Variants in TAFA2 observed in about 807,000 individuals in gnomAD.
TAFA2 encodes chemokine-like protein TAFA-2.
Under a neutral mutation model 18.8 loss-of-function variants are expected in TAFA2, and 7 were observed. The ratio of observed to expected loss-of-function variants is 0.37; its 90% CI spans 0.21 to 0.70. The LOEUF (loss-of-function observed/expected upper bound fraction) is 0.70. TAFA2 is among the 30% of genes least tolerant of loss of function. The probability of loss-of-function intolerance (pLI) is 0.53; values close to 1 mark genes in which losing one functional copy is unlikely to be tolerated. For missense variants in TAFA2, 122 were observed against 158.1 expected, an observed-to-expected ratio of 0.77 and a Z score of 1.23; for synonymous variants, 60 against 54.2, an observed-to-expected ratio of 1.11 and a Z score of -0.47.
intron 1 of TAFA2, among the ~76,000 whole-genome samples, chr12:62,213,070 A>T (rs1419731922): frequency 6.6e-6 from 1 of 152,160 alleles, no homozygotes; most frequent in Non-Finnish European, 1.5e-5. Flanking sequence ...CTCTGAATCA[A>T]TTCATACCCG....
At chr12:61,794,408 A>C (rs1871108558) in intron 2 of TAFA2, among the ~76,000 whole-genome samples, 1 of 152,074 alleles carries the variant, frequency 6.6e-6, no homozygotes, top group African/African-American at 2.4e-5. Context: ...AAATTTTAAA[A>C]ATGTATAATT....
At chr12:61,960,207 T>A (rs1342124130) in intron 1 of TAFA2, among the ~76,000 whole-genome samples, 1 of 152,088 alleles carries the variant, frequency 6.6e-6, no homozygotes, top group Non-Finnish European at 1.5e-5. Context: ...ATAACTAAAA[T>A]CTATATGCTG....
intron 2 of TAFA2, among the ~76,000 whole-genome samples, chr12:61,821,748 A>G (rs1330331692): frequency 6.6e-6 from 1 of 152,118 alleles, no homozygotes; most frequent in African/African-American, 2.4e-5. Flanking sequence ...TTACAGAAAA[A>G]TGTTTTTAAA....
intron 2 of TAFA2, among the ~76,000 whole-genome samples, chr12:61,804,173 T>C (rs1871515020): frequency 1.3e-5 from 2 of 152,116 alleles, no homozygotes; most frequent in Admixed American, 1.3e-4. Flanking sequence ...GACAATAATA[T>C]AATGGCTTCC....
intron 1 of TAFA2, among the ~76,000 whole-genome samples, chr12:62,081,534 G>A (rs1394033507): frequency 6.6e-6 from 1 of 151,890 alleles, no homozygotes. Context: ...ACCCAGGCTG[G>A]AGTACGGTGG....
Position 61,884,370 on chromosome 12 carries a change from C to A in TAFA2, c.-1-16944G>T, listed in dbSNP as rs761492384. On this transcript the variant is annotated intron_variant, in intron 1 of 4. Transcript: ENST00000416284. ...TGCATCATTTGATGATCAAACATCT[C>A]CAAAGAAAGCCCATCAACGAGCTCT... Among the ~76,000 whole-genome samples the A allele has an allele frequency of 9.9e-5, 15 of 152,226 alleles. 1 individual carries two copies. The South Asian group carries it at 2.3e-3, about 23-fold the overall frequency.
chr12:62,121,212 C>CT (rs775534301), intron 1 of TAFA2, among the ~76,000 whole-genome samples: 41 of 152,226 alleles, frequency 2.7e-4, no homozygotes, highest in Non-Finnish European at 5.3e-4. Context: ...CATGATAACC[C>CT]CTACCTAATC....
chr12:61,902,332 C>A (rs533719962), intron 1 of TAFA2, among the ~76,000 whole-genome samples: 5 of 152,102 alleles, frequency 3.3e-5, no homozygotes, highest in Admixed American at 6.6e-5. Context: ...TATTTCCAAC[C>A]AGTTCAAAGC....
At chr12:61,941,864 C>T (rs1878036497) in intron 1 of TAFA2, among the ~76,000 whole-genome samples, 2 of 151,976 alleles carry the variant, frequency 1.3e-5, no homozygotes, top group Non-Finnish European at 1.5e-5. Flanking sequence ...AAGGCGGCAG[C>T]GAGGCTGGGG....
chr12:61,978,747 A>T (rs1336056362), intron 1 of TAFA2, among the ~76,000 whole-genome samples: 17 of 152,126 alleles, frequency 1.1e-4, no homozygotes, highest in Non-Finnish European at 2.2e-4. Context: ...TTGACATTTG[A>T]CAAGAAGCCC....
intron 1 of TAFA2, among the ~76,000 whole-genome samples, chr12:62,065,800 A>G (rs983895429): frequency 3.3e-5 from 5 of 151,890 alleles, no homozygotes; most frequent in African/African-American, 1.2e-4. Flanking sequence ...AGTAATATTT[A>G]CACCTGTACT....
intron 2 of TAFA2, among the ~76,000 whole-genome samples, chr12:61,819,230 T>G (rs1401065731): frequency 6.6e-6 from 1 of 152,184 alleles, no homozygotes; most frequent in Non-Finnish European, 1.5e-5. Context: ...GATAAATTGA[T>G]AGTTAAATGT....
intron 1 of TAFA2, among the ~76,000 whole-genome samples, chr12:61,872,957 A>G (rs1289490058): frequency 6.6e-6 from 1 of 152,046 alleles, no homozygotes. Flanking sequence ...CATTTGTATA[A>G]GTGTCTATTT....
intron 2 of TAFA2, among the ~76,000 whole-genome samples, chr12:61,759,373 T>C (rs1290410075): frequency 6.6e-6 from 1 of 152,004 alleles, no homozygotes; most frequent in Admixed American, 6.6e-5. Flanking sequence ...GGGCCACTTA[T>C]GAGGAGAAAC....
chr12:61,830,108 T>C (rs1396264442), intron 2 of TAFA2, among the ~76,000 whole-genome samples: 2 of 151,538 alleles, frequency 1.3e-5, no homozygotes, highest in African/African-American at 4.8e-5. Flanking sequence ...AACCCACCTG[T>C]ATCTACCAAT....
chr12:61,863,803 C>T (rs537342674), intron 2 of TAFA2, among the ~76,000 whole-genome samples: 1 of 152,148 alleles, frequency 6.6e-6, no homozygotes, highest in Non-Finnish European at 1.5e-5. Flanking sequence ...GACTTACCTT[C>T]TGCTAAAGAT....
intron 1 of TAFA2, among the ~76,000 whole-genome samples, chr12:61,940,437 G>A (rs965737712): frequency 6.6e-5 from 10 of 152,164 alleles, no homozygotes; most frequent in Non-Finnish European, 1.3e-4. Context: ...TACACATTTC[G>A]GCACTACACA....
chr12:61,965,148 T>A (rs1351042369), intron 1 of TAFA2, among the ~76,000 whole-genome samples: 1 of 151,858 alleles, frequency 6.6e-6, no homozygotes, highest in Non-Finnish European at 1.5e-5. Flanking sequence ...GTAATGATAT[T>A]AGAAGGTGGG....
At chr12:61,798,441 T>C (rs1341357983) in intron 2 of TAFA2, among the ~76,000 whole-genome samples, 1 of 152,158 alleles carries the variant, frequency 6.6e-6, no homozygotes, top group Non-Finnish European at 1.5e-5. Context: ...TAGTGTACAC[T>C]TCAGTGGCAT....
Sources: gnomAD v4.1 joint callset for allele counts (sites outside exome capture counted in the v4.1 genomes callset) on GRCh38, gnomAD v4.1.1 for gene constraint, MANE v1.5 for transcripts, NCBI Gene and HGNC (gene_info 2026-07-23, HGNC 2026-07-21) for gene names.